TRPS1: variants seen among roughly 807,000 people sequenced by gnomAD.
TRPS1 encodes zinc finger transcription factor Trps1.
In TRPS1, 6 loss-of-function variants were observed where a neutral mutation model predicts 101.2. The observed-to-expected ratio is 0.06, with a 90% CI of 0.03 to 0.12. TRPS1 has a LOEUF of 0.12. Among genes scored for constraint, TRPS1 ranks in the 10% least tolerant of loss-of-function variants. The pLI, the probability that TRPS1 is intolerant of heterozygous loss-of-function variation, is 1.00. For missense variants in TRPS1, 1,363 were observed against 1,567.0 expected, an observed-to-expected ratio of 0.87 and a Z score of 2.20; for synonymous variants, 578 against 589.8, an observed-to-expected ratio of 0.98 and a Z score of 0.29.
At chr8:115,644,797 G>T (rs1261403986) in intron 1 of TRPS1, among the ~76,000 whole-genome samples, 5 of 152,146 alleles carry the variant, frequency 3.3e-5, no homozygotes, top group African/African-American at 1.2e-4. Context: ...AGAGGTCATT[G>T]TAGGGTTATT....
chr8:115,455,962 T>C (rs1037902352), intron 5 of TRPS1, among the ~76,000 whole-genome samples: 1 of 151,666 alleles, frequency 6.6e-6, no homozygotes, highest in African/African-American at 2.4e-5. Flanking sequence ...TTTTTTGTAT[T>C]TTTAGTAGAG....
intron 3 of TRPS1, among the ~76,000 whole-genome samples, chr8:115,618,742 T>C (rs1818322618): frequency 6.6e-6 from 1 of 152,210 alleles, no homozygotes; most frequent in Admixed American, 6.5e-5. Flanking sequence ...AGAAAGATTA[T>C]AGCAAAAGCC....
At chr8:115,514,806 T>C (rs1815670960) in intron 5 of TRPS1, among the ~76,000 whole-genome samples, 1 of 151,694 alleles carries the variant, frequency 6.6e-6, no homozygotes, top group African/African-American at 2.4e-5. Context: ...AATTATTTCT[T>C]AGAATAGGAT....
chr8:115,429,441 T>C (rs1191514231), intron 5 of TRPS1, among the ~76,000 whole-genome samples: 1 of 152,190 alleles, frequency 6.6e-6, no homozygotes, highest in East Asian at 1.9e-4. Context: ...GGTAGGAAAC[T>C]GCACTCATAC....
chr8:115,526,751 A>G (rs768277655), intron 5 of TRPS1, among the ~76,000 whole-genome samples: 7 of 152,196 alleles, frequency 4.6e-5, no homozygotes, highest in Non-Finnish European at 8.8e-5. Context: ...TTATGTGTCA[A>G]AGAACCAGAC....
intron 5 of TRPS1, among the ~76,000 whole-genome samples, chr8:115,445,026 C>T (rs935251113): frequency 6.6e-6 from 1 of 152,124 alleles, no homozygotes. Context: ...TTCCAAAATC[C>T]TTTGTGCCAC....
intron 5 of TRPS1, among the ~76,000 whole-genome samples, chr8:115,565,488 T>G (rs1393244222): frequency 1.4e-5 from 1 of 73,610 alleles, no homozygotes; most frequent in Admixed American, 1.3e-4. Flanking sequence ...AATGACAGGT[T>G]TTTTTTTTTG....
chr8:115,419,965 TA>T (rs1226439060), intron 5 of TRPS1, among the ~76,000 whole-genome samples: 1 of 152,146 alleles, frequency 6.6e-6, no homozygotes, highest in Admixed American at 6.5e-5. Flanking sequence ...TGCACAGCCA[TA>T]AAAATCTGAA....
At chr8:115,508,789 C>T (rs1815508483) in intron 5 of TRPS1, among the ~76,000 whole-genome samples, 1 of 151,918 alleles carries the variant, frequency 6.6e-6, no homozygotes, top group South Asian at 2.1e-4. Flanking sequence ...AGAATTTTTG[C>T]TCACTACTGC....
chr8:115,580,338 C>T (rs948868776), intron 5 of TRPS1, among the ~76,000 whole-genome samples: 8 of 151,600 alleles, frequency 5.3e-5, no homozygotes, highest in African/African-American at 1.9e-4. Context: ...AATAAAACCT[C>T]GTTGTGGCAT....
At chr8:115,434,321 T>C (rs1813396664) in intron 5 of TRPS1, among the ~76,000 whole-genome samples, 1 of 152,170 alleles carries the variant, frequency 6.6e-6, no homozygotes, top group African/African-American at 2.4e-5. Context: ...CTGAAAACAA[T>C]ATTCATTTAA....
At chr8:115,453,426 C>A (rs1416376002) in intron 5 of TRPS1, among the ~76,000 whole-genome samples, 1 of 152,172 alleles carries the variant, frequency 6.6e-6, no homozygotes, top group Non-Finnish European at 1.5e-5. Flanking sequence ...ATAGTGAATC[C>A]ATGTCTCAAT....
chr8:115,645,963 A>C (rs1373417732), intron 1 of TRPS1, among the ~76,000 whole-genome samples: 1 of 152,152 alleles, frequency 6.6e-6, no homozygotes, highest in African/African-American at 2.4e-5. Flanking sequence ...TCTTTCTACA[A>C]TAGCTGACGG....
intron 5 of TRPS1, among the ~76,000 whole-genome samples, chr8:115,431,338 C>T (rs1248282027): frequency 6.6e-6 from 1 of 152,010 alleles, no homozygotes; most frequent in Non-Finnish European, 1.5e-5. Flanking sequence ...AAAACTTATA[C>T]AAAGCGCCTC....
intron 5 of TRPS1, among the ~76,000 whole-genome samples, chr8:115,495,102 A>AG (rs1563551504): frequency 6.6e-6 from 1 of 152,200 alleles, no homozygotes; most frequent in Non-Finnish European, 1.5e-5. Flanking sequence ...AGCCATGCAG[A>AG]GGATGTACCA....
chr8:115,531,074 TATA>T (rs1049296586), intron 5 of TRPS1, among the ~76,000 whole-genome samples: 35 of 152,192 alleles, frequency 2.3e-4, no homozygotes, highest in African/African-American at 8.2e-4. Flanking sequence ...GAACTTAAAG[TATA>T]ATAATAAAAT....
chr8:115,588,554 T>G (rs1349648552), intron 4 of TRPS1, among the ~76,000 whole-genome samples: 1 of 152,158 alleles, frequency 6.6e-6, no homozygotes, highest in East Asian at 1.9e-4. Flanking sequence ...ACTGCTACAT[T>G]AGGGCAAATA....
At chr8:115,420,607 A>C (rs567390066) in intron 5 of TRPS1, among the ~76,000 whole-genome samples, 1 of 152,194 alleles carries the variant, frequency 6.6e-6, no homozygotes, top group South Asian at 2.1e-4. Flanking sequence ...TGTAATCCTG[A>C]TTTCAGTGAG....
chr8:115,441,898 A>AGAGAGT (rs1554620719), intron 5 of TRPS1, among the ~76,000 whole-genome samples: 34 of 116,146 alleles, frequency 2.9e-4, no homozygotes, highest in Non-Finnish European at 3.0e-4. Flanking sequence ...AGAGAGAGAG[A>AGAGAGT]GTGTGTGTGT....
Sources: allele counts gnomAD v4.1 joint callset (sites outside exome capture counted in the v4.1 genomes callset), GRCh38; gene constraint gnomAD v4.1.1; transcripts MANE v1.5; gene names NCBI Gene and HGNC (gene_info 2026-07-23, HGNC 2026-07-21).